TMEM132D: variants seen among roughly 807,000 people sequenced by gnomAD.
The protein encoded by TMEM132D is mature OL transmembrane protein.
TMEM132D carries 21 observed loss-of-function variants against 62.3 expected under a neutral mutation model. That is an observed-to-expected ratio of 0.34 (90% CI 0.24 to 0.49). TMEM132D has a LOEUF of 0.49. TMEM132D is among the 20% of genes least tolerant of loss of function. The pLI is 0.99. For synonymous variants in TMEM132D, 621 were observed against 575.6 expected (o/e 1.08, Z -1.13); for missense variants, 1,346 against 1,402.8 (o/e 0.96, Z 0.65).
chr12:129,280,699 C>T (rs967711555), intron 4 of TMEM132D, among the ~76,000 whole-genome samples: 1 of 152,112 alleles, frequency 6.6e-6, no homozygotes. Context: ...ATCTATCTAC[C>T]TACCTATCAT....
intron 3 of TMEM132D, among the ~76,000 whole-genome samples, chr12:129,510,840 C>G (rs1875475325): frequency 6.6e-6 from 1 of 152,122 alleles, no homozygotes; most frequent in Admixed American, 6.5e-5. Flanking sequence ...ACACCATTGT[C>G]AAAAACGAGT....
At chr12:129,588,929 G>A (rs1878114994) in intron 2 of TMEM132D, among the ~76,000 whole-genome samples, 2 of 152,036 alleles carry the variant, frequency 1.3e-5, no homozygotes, top group Non-Finnish European at 1.5e-5. Context: ...TTATCAGAAT[G>A]CCTTCCTTCA....
intron 4 of TMEM132D, among the ~76,000 whole-genome samples, chr12:129,333,315 C>A (rs1869171005): frequency 6.6e-6 from 1 of 152,096 alleles, no homozygotes; most frequent in Non-Finnish European, 1.5e-5. Context: ...ATTGCATATC[C>A]TTTGATTTGA....
intron 5 of TMEM132D, among the ~76,000 whole-genome samples, chr12:129,107,352 T>A (rs1182271841): frequency 6.6e-6 from 1 of 152,240 alleles, no homozygotes; most frequent in South Asian, 2.1e-4. Context: ...TTAAGATTAA[T>A]ATAATGCTCT....
At chr12:129,578,220 C>G (rs550877427) in intron 2 of TMEM132D, among the ~76,000 whole-genome samples, 2 of 152,108 alleles carry the variant, frequency 1.3e-5, no homozygotes, top group African/African-American at 4.8e-5. Context: ...GCCCTCTTAG[C>G]TCTCAGGCCT....
chr12:129,852,576 T>A, intron 1 of TMEM132D: 1 of 152,018 alleles, frequency 6.6e-6, no homozygotes, highest in African/African-American at 2.4e-5. Flanking sequence ...AAAAAAACAA[T>A]GTACAACCAA....
chr12:129,589,310 A>G (rs12425738), intron 2 of TMEM132D, among the ~76,000 whole-genome samples: 72,711 of 151,970 alleles, frequency 0.48, 18,594 homozygotes, highest in East Asian at 0.67. Flanking sequence ...CATGTAAGAC[A>G]TGCCTTTCAC....
chr12:129,760,476 C>T (rs1048404518), intron 1 of TMEM132D, among the ~76,000 whole-genome samples: 8 of 151,660 alleles, frequency 5.3e-5, no homozygotes, highest in Non-Finnish European at 1.0e-4. Context: ...GGACTACAGG[C>T]CCCCGCCTCC....
intron 1 of TMEM132D, among the ~76,000 whole-genome samples, chr12:129,886,657 T>C (rs547323260): frequency 9.2e-5 from 14 of 152,216 alleles, no homozygotes; most frequent in African/African-American, 3.1e-4. Flanking sequence ...AGAACACAAA[T>C]GAGGGAAGCT....
rs1874460708 is a variant in TMEM132D, at chr12:129,081,876, C to G, written c.1806G>C (p.Trp602Cys). ...GHLAHLLGSD[W>C]QVDITELIND... is the part of the protein sequence containing the mutation. ...TTATCAGCTCCGTGATGTCCACTTG[C>G]CAGTCTGAGCCCAGCAGGTGGGCCA... The change falls in exon 7 of 9, where the codon TGG becomes TGC. Residue 602 changes from tryptophan to cysteine, a missense_variant. Coordinates refer to ENST00000422113, the MANE Select transcript of TMEM132D (RefSeq NM_133448.3). The G allele has an allele frequency of 6.2e-7, 1 of 1,614,108 alleles. No homozygotes were observed. Among genetic ancestry groups the G allele is most frequent in the Non-Finnish European group, 8.5e-7 (1 of 1,180,032 alleles).
intron 1 of TMEM132D, among the ~76,000 whole-genome samples, chr12:129,883,931 A>G (rs895051686): frequency 6.6e-6 from 1 of 152,196 alleles, no homozygotes; most frequent in Non-Finnish European, 1.5e-5. Flanking sequence ...TAAAATCTGT[A>G]ACAGTGTTTA....
At chr12:129,709,390 CTATT>C (rs1240656587) in intron 1 of TMEM132D, among the ~76,000 whole-genome samples, 16 of 152,184 alleles carry the variant, frequency 1.1e-4, no homozygotes, top group Non-Finnish European at 1.5e-4. Context: ...GGATATGTAA[CTATT>C]TATTAGAATA....
At chr12:129,220,356 C>A (rs564249858) in intron 4 of TMEM132D, among the ~76,000 whole-genome samples, 1 of 152,182 alleles carries the variant, frequency 6.6e-6, no homozygotes, top group Non-Finnish European at 1.5e-5. Flanking sequence ...ACGTTGGAAA[C>A]GAAATCTCAC....
chr12:129,709,091 T>C (rs1881576553), intron 1 of TMEM132D, among the ~76,000 whole-genome samples: 1 of 152,204 alleles, frequency 6.6e-6, no homozygotes, highest in South Asian at 2.1e-4. Flanking sequence ...TCCTTAAAAA[T>C]TGACCAAGAG....
At chr12:129,396,911 A>C (rs1023697991) in intron 3 of TMEM132D, among the ~76,000 whole-genome samples, 6 of 152,292 alleles carry the variant, frequency 3.9e-5, no homozygotes, top group African/African-American at 7.2e-5. Context: ...AGGTTTTTGT[A>C]ACCTGACAAT....
intron 4 of TMEM132D, among the ~76,000 whole-genome samples, chr12:129,327,361 C>T (rs968511901): frequency 2.6e-5 from 4 of 152,150 alleles, no homozygotes; most frequent in African/African-American, 9.7e-5. Context: ...TTCCCTGATC[C>T]CCCCAGCCAA....
At chr12:129,890,766 T>C (rs907173189) in intron 1 of TMEM132D, among the ~76,000 whole-genome samples, 2 of 152,236 alleles carry the variant, frequency 1.3e-5, no homozygotes, top group African/African-American at 4.8e-5. Context: ...GTTAATCTCA[T>C]ATTCATCTCT....
chr12:129,831,357 G>A, intron 1 of TMEM132D, among the ~76,000 whole-genome samples: 1 of 152,178 alleles, frequency 6.6e-6, no homozygotes, highest in East Asian at 1.9e-4. Context: ...CACTGAATAC[G>A]CAAATGCGAT....
At chr12:129,075,493 T>A (rs1296786822) in intron 8 of TMEM132D, among the ~76,000 whole-genome samples, 1 of 152,206 alleles carries the variant, frequency 6.6e-6, no homozygotes. Context: ...TATTTTTAAG[T>A]TGTAATACTG....
Sources: allele counts gnomAD v4.1 joint callset (sites outside exome capture counted in the v4.1 genomes callset), GRCh38; gene constraint gnomAD v4.1.1; transcripts MANE v1.5; gene names NCBI Gene and HGNC (gene_info 2026-07-23, HGNC 2026-07-21).